Variants in RFX4 observed in about 807,000 individuals in gnomAD.
RFX4 encodes regulatory factor X4.
In RFX4, 10 loss-of-function variants were observed where a neutral mutation model predicts 95.0. The ratio of observed to expected loss-of-function variants is 0.11; its 90% CI spans 0.06 to 0.18. RFX4 has a LOEUF of 0.18. RFX4 is among the 10% of genes least tolerant of loss of function. RFX4 has a pLI of 1.00. For missense variants in RFX4, 640 were observed against 922.0 expected (o/e 0.69, Z 3.96); for synonymous variants, 321 against 340.7 (o/e 0.94, Z 0.64).
chr12:106,601,279 G>T (rs751207401), intron 1 of RFX4: 4 of 1,590,342 alleles, frequency 2.5e-6, no homozygotes, highest in South Asian at 2.3e-5. Flanking sequence ...GAGACAGAAT[G>T]ATCAAAAGGA....
chr12:106,689,600 G>A (rs548701216), intron 7 of RFX4, among the ~76,000 whole-genome samples: 1 of 152,242 alleles, frequency 6.6e-6, no homozygotes, highest in Admixed American at 6.5e-5. Context: ...GACTGAACTG[G>A]TGAACTGCCT....
intron 3 of RFX4, among the ~76,000 whole-genome samples, chr12:106,652,203 AT>A (rs1376843243): frequency 4.6e-5 from 7 of 152,158 alleles, no homozygotes; most frequent in Admixed American, 4.6e-4. Flanking sequence ...GGACAGGACC[AT>A]TGTTTTGTTC....
intron 1 of RFX4, among the ~76,000 whole-genome samples, chr12:106,591,070 C>T (rs2039533396): frequency 6.6e-6 from 1 of 152,094 alleles, no homozygotes; most frequent in Non-Finnish European, 1.5e-5. Context: ...GGGCCCACAA[C>T]CCAGCTGGCT....
At chr12:106,629,554 C>G (rs1178384809) in intron 2 of RFX4, among the ~76,000 whole-genome samples, 2 of 152,118 alleles carry the variant, frequency 1.3e-5, no homozygotes, top group Non-Finnish European at 2.9e-5. Context: ...AATCGTGGCT[C>G]ACTGCAGCCT....
intron 7 of RFX4, among the ~76,000 whole-genome samples, chr12:106,690,773 A>G (rs1014860783): frequency 6.6e-6 from 1 of 152,154 alleles, no homozygotes; most frequent in Non-Finnish European, 1.5e-5. Context: ...CCCCACCTTA[A>G]TGCAGCGGGG....
intron 13 of RFX4, among the ~76,000 whole-genome samples, chr12:106,723,459 G>T (rs1305795238): frequency 2.6e-5 from 4 of 152,174 alleles, no homozygotes. Context: ...TCACTGTTAT[G>T]AACATCTGGA....
chr12:106,596,911 T>A (rs1231992897), intron 1 of RFX4, among the ~76,000 whole-genome samples: 1 of 152,250 alleles, frequency 6.6e-6, no homozygotes, highest in African/African-American at 2.4e-5. Flanking sequence ...TTACAAAGGA[T>A]GCTGCATCTC....
At chr12:106,726,058 G>C (rs2042489862) in intron 13 of RFX4, among the ~76,000 whole-genome samples, 1 of 151,986 alleles carries the variant, frequency 6.6e-6, no homozygotes, top group Non-Finnish European at 1.5e-5. Context: ...AGACCAGCCT[G>C]ACCAACATGG....
chr12:106,691,051 C>A (rs1237478627), intron 7 of RFX4, among the ~76,000 whole-genome samples: 1 of 152,168 alleles, frequency 6.6e-6, no homozygotes, highest in Non-Finnish European at 1.5e-5. Context: ...AACTAGGATG[C>A]AGAATATATG....
chr12:106,746,496 T>C, intron 15 of RFX4, among the ~76,000 whole-genome samples: 1 of 151,922 alleles, frequency 6.6e-6, no homozygotes, highest in East Asian at 1.9e-4. Flanking sequence ...ATCATGTCAT[T>C]GCACTCCAGC....
intron 8 of RFX4, among the ~76,000 whole-genome samples, chr12:106,699,337 T>G (rs2041943618): frequency 6.6e-6 from 1 of 152,158 alleles, no homozygotes; most frequent in Non-Finnish European, 1.5e-5. Context: ...GGCCTATTGG[T>G]GAATGTTCTA....
At chr12:106,706,617 T>C (rs1258466532) in intron 8 of RFX4, among the ~76,000 whole-genome samples, 1 of 152,186 alleles carries the variant, frequency 6.6e-6, no homozygotes, top group Non-Finnish European at 1.5e-5. Context: ...GCAGACAGGA[T>C]AGATGAATAG....
chr12:106,709,225 TG>T lies in RFX4; in HGVS notation c.834-103del. On this transcript the variant is annotated intron_variant, in intron 8 of 17. Transcript: ENST00000392842. ...GGTTGCTATTACAAATGGCACCTAT[TG>T]GTAGCAGCCAAAACATGATTAGGGG... 3.6e-6 allele frequency: 3 copies of T among 843,670 alleles called. No individual in the cohort carries two copies. The South Asian group carries it at 4.7e-5, about 13-fold the overall frequency. 52.3% of individuals were successfully genotyped at this position (843,670 alleles called of 1,614,324 possible).
chr12:106,587,595 T>C (rs1416474934), intron 1 of RFX4, among the ~76,000 whole-genome samples: 3 of 152,194 alleles, frequency 2.0e-5, no homozygotes, highest in African/African-American at 7.2e-5. Context: ...CTTGGAGCCC[T>C]TGCTCCCTCC....
intron 15 of RFX4, among the ~76,000 whole-genome samples, chr12:106,746,274 C>T (rs1007542512): frequency 1.3e-5 from 2 of 150,592 alleles, no homozygotes; most frequent in African/African-American, 2.5e-5. Flanking sequence ...GAGAATCACT[C>T]GAACCCAGGA....
chr12:106,614,459 C>T lies in RFX4; in HGVS notation c.130+5576C>T, dbSNP rs181567740. Among the ~76,000 whole-genome samples, 674 of 146,902 alleles carry T rather than the reference C, an allele frequency of 4.6e-3. 4 individuals are homozygous for T. The highest frequency in any genetic ancestry group is 0.016 in the African/African-American group (652 of 39,712). On this transcript the variant is annotated intron_variant, in intron 2 of 17. Coordinates refer to ENST00000392842, the MANE Select transcript of RFX4 (RefSeq NM_213594.3). ...CAGGCGTGAGCCCCTGTGCCCGGCC[C>T]TTCTTCACGTCTTTTGCCTGTGTGT... is the stretch of plus-strand genomic sequence containing the variant.
chr12:106,736,711 C>T (rs1213807902), intron 15 of RFX4, among the ~76,000 whole-genome samples: 2 of 152,174 alleles, frequency 1.3e-5, no homozygotes, highest in Non-Finnish European at 2.9e-5. Context: ...CTCCATCACA[C>T]TTCCCAAGTC....
At chr12:106,686,586 G>A (rs780855886) in intron 5 of RFX4, among the ~76,000 whole-genome samples, 2 of 152,014 alleles carry the variant, frequency 1.3e-5, no homozygotes, top group African/African-American at 4.8e-5. Flanking sequence ...AAGTACTAAT[G>A]GAAAATTTTT....
At position 106,686,872 on chromosome 12, in the gene RFX4, C is replaced by A. The variant is rs769216808; in HGVS notation, c.378-12C>A. On this transcript the variant is annotated splice_polypyrimidine_tract_variant and intron_variant, in intron 5 of 17. Transcript: ENST00000392842. ...TTTTTTCTCTCTCTCCCTCCCTCCC[C>A]TTGTGGCCCAGGTACCATTACTATG... 2.2e-5 allele frequency: 36 copies of A among 1,602,318 alleles called. No homozygotes were observed. The highest frequency in any genetic ancestry group is 1.7e-4 in the Middle Eastern group (1 of 6,048).
Sources: gnomAD v4.1 joint callset for allele counts (sites outside exome capture counted in the v4.1 genomes callset) on GRCh38, gnomAD v4.1.1 for gene constraint, MANE v1.5 for transcripts, NCBI Gene and HGNC (gene_info 2026-07-23, HGNC 2026-07-21) for gene names.